MAGI1: variants seen among roughly 807,000 people sequenced by gnomAD.
MAGI1 encodes membrane associated guanylate kinase, WW and PDZ domain containing 1.
Under a neutral mutation model 139.9 loss-of-function variants are expected in MAGI1, and 58 were observed. That is an observed-to-expected ratio of 0.41 (90% CI 0.34 to 0.52). The LOEUF is 0.52. Among genes scored for constraint, MAGI1 ranks in the 20% least tolerant of loss-of-function variants. MAGI1 has a pLI of 0.12. For missense variants in MAGI1, 1,874 were observed against 1,901.6 expected, an observed-to-expected ratio of 0.99 and a Z score of 0.27; for synonymous variants, 812 against 737.9, an observed-to-expected ratio of 1.10 and a Z score of -1.63.
intron 1 of MAGI1, among the ~76,000 whole-genome samples, chr3:66,018,123 G>GGGGGGC (rs2067764867): frequency 7.5e-6 from 1 of 133,830 alleles, no homozygotes; most frequent in African/African-American, 2.6e-5. Context: ...TGGGGGGGGG[G>GGGGGGC]GGTGTCTGCA....
At chr3:65,767,421 A>C (rs1347805218) in intron 1 of MAGI1, among the ~76,000 whole-genome samples, 2 of 152,018 alleles carry the variant, frequency 1.3e-5, no homozygotes, top group African/African-American at 4.8e-5. Flanking sequence ...CCTGGCCAAC[A>C]TGGTGAAATC....
At chr3:65,795,726 C>T (rs1221706678) in intron 1 of MAGI1, among the ~76,000 whole-genome samples, 1 of 149,150 alleles carries the variant, frequency 6.7e-6, no homozygotes. Context: ...CACACACACA[C>T]GGAGAGAGAG....
intron 1 of MAGI1, among the ~76,000 whole-genome samples, chr3:65,718,792 G>A (rs1368106835): frequency 6.6e-6 from 1 of 152,052 alleles, no homozygotes; most frequent in Non-Finnish European, 1.5e-5. Context: ...TGTCACATTT[G>A]TATTTAAATT....
intron 2 of MAGI1, among the ~76,000 whole-genome samples, chr3:65,593,307 A>T (rs947315755): frequency 1.3e-5 from 2 of 152,216 alleles, no homozygotes; most frequent in African/African-American, 4.8e-5. Context: ...GTCTTTGTCA[A>T]ATTTGTAGAT....
chr3:65,926,327 T>TTATCTC (rs2062503206), intron 1 of MAGI1, among the ~76,000 whole-genome samples: 1 of 115,592 alleles, frequency 8.7e-6, no homozygotes, highest in Non-Finnish European at 1.7e-5. Flanking sequence ...AAGTCTTCTT[T>TTATCTC]TCTCTCTCTC....
chr3:65,720,143 C>T (rs1380807434), intron 1 of MAGI1: 1 of 152,042 alleles, frequency 6.6e-6, no homozygotes, highest in Admixed American at 6.6e-5. Flanking sequence ...TACAGTAGTG[C>T]CAGGCATAGG....
chr3:65,620,199 C>T (rs2083591358), intron 2 of MAGI1, among the ~76,000 whole-genome samples: 1 of 152,120 alleles, frequency 6.6e-6, no homozygotes, highest in Admixed American at 6.5e-5. Flanking sequence ...GGAAAAATTA[C>T]ACAGAGAACA....
At chr3:65,492,921 A>G (rs1347495363) in intron 3 of MAGI1, among the ~76,000 whole-genome samples, 2 of 152,172 alleles carry the variant, frequency 1.3e-5, no homozygotes, top group African/African-American at 4.8e-5. Context: ...TACTAAAAAT[A>G]CAAAAAATTA....
At position 65,507,706 on chromosome 3, in the gene MAGI1, T is replaced by G. The variant is rs147495403; in HGVS notation, c.431-14075A>C. ...AATCATTTAGACCCAGCTGATTAAC[T>G]GTTATTGCCCTCATTTCAATTAGTT... is the stretch of plus-strand genomic sequence containing the variant. On this transcript the variant is annotated intron_variant, in intron 2 of 22. Transcript: ENST00000402939. Among the ~76,000 whole-genome samples the G allele has an allele frequency of 6.9e-4, 105 of 152,368 alleles. 3 individuals are homozygous for G. The East Asian group carries it at 8.7e-3, about 13-fold the overall frequency.
intron 1 of MAGI1, among the ~76,000 whole-genome samples, chr3:65,792,822 T>C (rs2039878115): frequency 6.6e-6 from 1 of 152,118 alleles, no homozygotes; most frequent in Admixed American, 6.5e-5. Flanking sequence ...TTGGATATTT[T>C]CAGACCACAG....
chr3:66,034,109 C>A (rs2107608575), intron 1 of MAGI1, among the ~76,000 whole-genome samples: 2 of 152,270 alleles, frequency 1.3e-5, no homozygotes, highest in African/African-American at 4.8e-5. Context: ...CCATCAGAAT[C>A]CCTTGAGGGT....
At chr3:65,820,886 C>T (rs1261109119) in intron 1 of MAGI1, among the ~76,000 whole-genome samples, 2 of 152,144 alleles carry the variant, frequency 1.3e-5, no homozygotes, top group Non-Finnish European at 2.9e-5. Flanking sequence ...TACCCTTCTC[C>T]TGACACACCA....
intron 2 of MAGI1, among the ~76,000 whole-genome samples, chr3:65,549,694 G>T (rs558307112): frequency 1.3e-5 from 2 of 152,096 alleles, no homozygotes; most frequent in East Asian, 2.0e-4. Context: ...GCCTTGGACG[G>T]GGGTAGGGGT....
intron 1 of MAGI1, among the ~76,000 whole-genome samples, chr3:65,804,726 T>A (rs2040738938): frequency 6.6e-6 from 1 of 152,136 alleles, no homozygotes; most frequent in Non-Finnish European, 1.5e-5. Flanking sequence ...ATGGCACTGG[T>A]ACCAAAACAG....
intron 1 of MAGI1, among the ~76,000 whole-genome samples, chr3:65,868,741 C>T (rs1378111248): frequency 6.6e-6 from 1 of 152,134 alleles, no homozygotes. Flanking sequence ...TCCTACATGA[C>T]CCAGCTCAGC....
rs558270441 is a variant in MAGI1 at position 65,849,001 on chromosome 3, C to CTTTTTT, written c.313+188989_313+188994dup. Among the ~76,000 whole-genome samples, 110 of 39,646 alleles carry CTTTTTT rather than the reference C, an allele frequency of 2.8e-3. 9 individuals carry two copies. Among genetic ancestry groups the CTTTTTT allele is most frequent in the Non-Finnish European group, 3.6e-3 (77 of 21,512 alleles). The allele number at this position is 39,646 out of a possible 152,430, so 26.0% of individuals were successfully genotyped here. On this transcript the variant is annotated intron_variant, in intron 1 of 22. Coordinates refer to ENST00000402939, the MANE Select transcript of MAGI1 (RefSeq NM_001033057.2). ...GCAGCTCAAGACTATTCAGAGCATT[C>CTTTTTT]TTTTTTTTTTTTTTTTTTTTTTTTT...
intron 20 of MAGI1, among the ~76,000 whole-genome samples, chr3:65,364,357 C>T (rs1334115703): frequency 6.6e-6 from 1 of 151,970 alleles, no homozygotes; most frequent in Non-Finnish European, 1.5e-5. Flanking sequence ...ATTTTCTTGG[C>T]AGAAGCATGT....
At chr3:65,453,033 T>C (rs1033439180) in intron 6 of MAGI1, 5 of 510,396 alleles carry the variant, frequency 9.8e-6, no homozygotes, top group Middle Eastern at 3.2e-4. Context: ...CTGCTTCTAA[T>C]GGAGATATTA....
At chr3:65,982,204 T>C (rs773425520) in intron 1 of MAGI1, among the ~76,000 whole-genome samples, 2 of 152,246 alleles carry the variant, frequency 1.3e-5, no homozygotes, top group Non-Finnish European at 2.9e-5. Context: ...CCCTCTCCTG[T>C]GGCTTTGGGA....
Sources: gnomAD v4.1 joint callset for allele counts (sites outside exome capture counted in the v4.1 genomes callset) on GRCh38, gnomAD v4.1.1 for gene constraint, MANE v1.5 for transcripts, NCBI Gene and HGNC (gene_info 2026-07-23, HGNC 2026-07-21) for gene names.